MPPED1: variants seen among roughly 807,000 people sequenced by gnomAD.
MPPED1 encodes the protein metallophosphoesterase domain-containing protein 1.
Under a neutral mutation model 36.2 loss-of-function variants are expected in MPPED1, and 16 were observed. The ratio of observed to expected loss-of-function variants is 0.44; its 90% CI spans 0.30 to 0.67. The LOEUF (loss-of-function observed/expected upper bound fraction) is 0.67, where lower values mean the gene tolerates loss of function less well. Among genes scored for constraint, MPPED1 ranks in the 30% least tolerant of loss-of-function variants. The pLI is 0.10. For synonymous variants in MPPED1, 199 were observed against 191.3 expected (o/e 1.04, Z -0.33); for missense variants, 307 against 453.4 (o/e 0.68, Z 2.93).
rs867547799 is a variant in MPPED1, at chr22:43,495,626, A to G, written c.633-2609A>G. Among the ~76,000 whole-genome samples the G allele has an allele frequency of 5.2e-3, 117 of 22,452 alleles. 3 individuals carry two copies. The highest frequency in any genetic ancestry group is 0.017 in the Admixed American group (20 of 1,180). 14.7% of individuals were successfully genotyped at this position (22,452 alleles called of 152,430 possible). ...GATGGTGGAGGTAGTAGTGGTGGAG[A>G]TGGTGGTGGTGGAGGTGATGGTGGA... On this transcript the variant is annotated intron_variant, in intron 4 of 6. Transcript: ENST00000443721.
chr22:43,434,673 C>T (rs375430121), intron 2 of MPPED1, among the ~76,000 whole-genome samples: 20 of 152,342 alleles, frequency 1.3e-4, no homozygotes, highest in Admixed American at 7.8e-4. Context: ...GCCACTCTGG[C>T]GGTGATAACG....
At chr22:43,503,195 T>G (rs995591817) in intron 6 of MPPED1, among the ~76,000 whole-genome samples, 5 of 152,190 alleles carry the variant, frequency 3.3e-5, no homozygotes, top group African/African-American at 1.2e-4. Context: ...TTAATAAGTG[T>G]GGAGGGACTA....
At chr22:43,503,036 G>C (rs368233147) in intron 6 of MPPED1, among the ~76,000 whole-genome samples, 4 of 152,276 alleles carry the variant, frequency 2.6e-5, no homozygotes, top group African/African-American at 2.4e-5. Flanking sequence ...GGAAGCCGTC[G>C]GGAGGTGGGC....
At chr22:43,433,658 C>G (rs1929847291) in intron 2 of MPPED1, among the ~76,000 whole-genome samples, 1 of 152,272 alleles carries the variant, frequency 6.6e-6, no homozygotes, top group Non-Finnish European at 1.5e-5. Flanking sequence ...TCGGCGCCTC[C>G]GGCTGCGGCG....
At chr22:43,464,781 T>C (rs1423647694) in intron 3 of MPPED1, among the ~76,000 whole-genome samples, 2 of 152,182 alleles carry the variant, frequency 1.3e-5, no homozygotes, top group Non-Finnish European at 2.9e-5. Flanking sequence ...CCCAGGACTT[T>C]GGTTTTAGTT....
chr22:43,471,889 A>G (rs1346209255), intron 3 of MPPED1, among the ~76,000 whole-genome samples: 1 of 152,170 alleles, frequency 6.6e-6, no homozygotes, highest in Non-Finnish European at 1.5e-5. Context: ...GTACAAGAGG[A>G]GGGTCAGGGA....
chr22:43,431,323 G>T (rs937066488), intron 2 of MPPED1, among the ~76,000 whole-genome samples: 1 of 152,098 alleles, frequency 6.6e-6, no homozygotes, highest in Non-Finnish European at 1.5e-5. Context: ...GAATACAGGT[G>T]TGAGGCATTG....
chr22:43,505,440 C>A, intron 6 of MPPED1, 58 bp from the exon 7 acceptor site: 1 of 1,494,958 alleles, frequency 6.7e-7, no homozygotes, highest in East Asian at 2.5e-5. Flanking sequence ...TGCCACACCC[C>A]CCTGGCCACC....
intron 5 of MPPED1, among the ~76,000 whole-genome samples, chr22:43,501,183 G>GT (rs1448795156): frequency 3.9e-5 from 6 of 152,172 alleles, no homozygotes; most frequent in Non-Finnish European, 8.8e-5. Flanking sequence ...AGCCGGGTTT[G>GT]TTTCACCCCC....
chr22:43,447,891 T>A (rs1396304732), intron 3 of MPPED1, among the ~76,000 whole-genome samples: 49 of 58,310 alleles, frequency 8.4e-4, no homozygotes, highest in African/African-American at 2.1e-3. Context: ...ATATTTTTTT[T>A]TTTTTTAGAC....
chr22:43,422,292 G>A (rs559160923), intron 1 of MPPED1, among the ~76,000 whole-genome samples: 27 of 152,320 alleles, frequency 1.8e-4, no homozygotes, highest in South Asian at 2.1e-4. Context: ...ATGAGACATG[G>A]GCATCAATAT....
intron 4 of MPPED1, among the ~76,000 whole-genome samples, chr22:43,493,830 G>A (rs1275988240): frequency 6.6e-6 from 1 of 152,162 alleles, no homozygotes; most frequent in Admixed American, 6.5e-5. Context: ...GGTGAAGGTC[G>A]TCCCAGGGCA....
At chr22:43,455,115 CT>C (rs71284734) in intron 3 of MPPED1, among the ~76,000 whole-genome samples, 59,761 of 122,958 alleles carry the variant, frequency 0.49, 14,601 homozygotes, top group Admixed American at 0.56. Flanking sequence ...CCTTCATGTC[CT>C]TTTTTTTTTT....
chr22:43,466,286 T>C lies in MPPED1; in HGVS notation c.407-8450T>C, dbSNP rs553924228. Among the ~76,000 whole-genome samples the C allele has an allele frequency of 3.5e-3, 539 of 151,988 alleles. 6 individuals are homozygous for C. The highest frequency in any genetic ancestry group is 0.012 in the African/African-American group (508 of 41,466). On this transcript the variant is annotated intron_variant, in intron 3 of 6. Coordinates refer to ENST00000443721, the MANE Select transcript of MPPED1 (RefSeq NM_001044370.2). ...ATGAGGCCAGGGGGTCTGCAGCTCATTGGGGGGTCTGCCATCCTAGGATGT... is the reference window on the plus strand; with the variant it reads ...ATGAGGCCAGGGGGTCTGCAGCTCACTGGGGGGTCTGCCATCCTAGGATGT...
chr22:43,434,428 G>T (rs1372521239), intron 2 of MPPED1, among the ~76,000 whole-genome samples: 1 of 152,200 alleles, frequency 6.6e-6, no homozygotes, highest in Non-Finnish European at 1.5e-5. Flanking sequence ...CACAGCCCGG[G>T]CAGTTGTCCT....
At chr22:43,483,949 G>A (rs1602004194) in intron 4 of MPPED1, among the ~76,000 whole-genome samples, 1 of 152,342 alleles carries the variant, frequency 6.6e-6, no homozygotes. Flanking sequence ...CTGTTCTGCT[G>A]TTTTCCTGAA....
intron 6 of MPPED1, among the ~76,000 whole-genome samples, chr22:43,504,983 A>T (rs1302470789): frequency 6.6e-6 from 1 of 151,936 alleles, no homozygotes; most frequent in Non-Finnish European, 1.5e-5. Context: ...AAAGGTAGTG[A>T]TGATGATGAC....
chr22:43,471,186 A>G (rs1035687196), intron 3 of MPPED1, among the ~76,000 whole-genome samples: 1 of 152,220 alleles, frequency 6.6e-6, no homozygotes, highest in Non-Finnish European at 1.5e-5. Context: ...TGCTTCAGTA[A>G]CACCCCCAGT....
At chr22:43,445,538 T>A (rs552143018) in intron 3 of MPPED1, among the ~76,000 whole-genome samples, 4 of 150,990 alleles carry the variant, frequency 2.6e-5, no homozygotes, top group Admixed American at 2.0e-4. Context: ...CTTATCTATA[T>A]CTTTGCTGTC....
Sources: gnomAD v4.1 joint callset for allele counts (sites outside exome capture counted in the v4.1 genomes callset) on GRCh38, gnomAD v4.1.1 for gene constraint, MANE v1.5 for transcripts, NCBI Gene and HGNC (gene_info 2026-07-23, HGNC 2026-07-21) for gene names.